RALGAPA1: variants seen among roughly 807,000 people sequenced by gnomAD.
RALGAPA1 encodes the protein Ral GTPase activating protein catalytic subunit alpha 1, also known as ral GTPase-activating protein subunit alpha-1.
In RALGAPA1, 52 loss-of-function variants were observed where a neutral mutation model predicts 269.6. The ratio of observed to expected loss-of-function variants is 0.19; its 90% confidence interval spans 0.15 to 0.24. The LOEUF is 0.24. Among genes scored for constraint, RALGAPA1 ranks in the 10% least tolerant of loss-of-function variants. The pLI is 1.00. For missense variants in RALGAPA1, 1,917 were observed against 3,013.9 expected (o/e 0.64, Z 8.52); for synonymous variants, 817 against 1,008.3 (o/e 0.81, Z 3.60).
chr14:35,712,457 T>C (rs1472910538), intron 16 of RALGAPA1, among the ~76,000 whole-genome samples: 2 of 152,132 alleles, frequency 1.3e-5, no homozygotes, highest in African/African-American at 4.8e-5. Flanking sequence ...ACAGATTCTT[T>C]CCATCTTTGT....
At chr14:35,614,084 G>A (rs2060110569) in intron 35 of RALGAPA1, among the ~76,000 whole-genome samples, 1 of 152,156 alleles carries the variant, frequency 6.6e-6, no homozygotes, top group South Asian at 2.1e-4. Flanking sequence ...AATAACGAGT[G>A]TAGGCTAGGG....
At chr14:35,748,854 G>C in intron 9 of RALGAPA1, 30 bp from the exon 10 acceptor site, 1 of 1,534,738 alleles carries the variant, frequency 6.5e-7, no homozygotes, top group African/African-American at 1.4e-5. Context: ...AAAAAAGAGA[G>C]AAACAATATC....
intron 4 of RALGAPA1, among the ~76,000 whole-genome samples, chr14:35,769,353 G>C (rs2074448968): frequency 6.6e-6 from 1 of 152,042 alleles, no homozygotes; most frequent in South Asian, 2.1e-4. Context: ...CATGGGAACA[G>C]AAAATCAAAT....
chr14:35,615,893 T>C (rs1162785692), intron 35 of RALGAPA1, among the ~76,000 whole-genome samples: 1 of 152,142 alleles, frequency 6.6e-6, no homozygotes, highest in Non-Finnish European at 1.5e-5. Context: ...CTAAGGAGTG[T>C]TCTCATTAAC....
At chr14:35,564,983 A>G (rs2056574957) in intron 39 of RALGAPA1, among the ~76,000 whole-genome samples, 1 of 152,158 alleles carries the variant, frequency 6.6e-6, no homozygotes, top group African/African-American at 2.4e-5. Context: ...ATTAGTAATT[A>G]CATATTATTC....
intron 41 of RALGAPA1, among the ~76,000 whole-genome samples, chr14:35,541,032 A>G (rs2053920220): frequency 8.1e-6 from 1 of 124,202 alleles, no homozygotes; most frequent in African/African-American, 3.6e-5. Context: ...TCTTTGCAGA[A>G]CACTTCAATT....
intron 35 of RALGAPA1, among the ~76,000 whole-genome samples, chr14:35,615,895 C>A (rs1253676928): frequency 6.6e-6 from 1 of 152,058 alleles, no homozygotes; most frequent in Non-Finnish European, 1.5e-5. Context: ...AAGGAGTGTT[C>A]TCATTAACAT....
intron 1 of RALGAPA1, 126 bp from the exon 2 acceptor site, chr14:35,775,871 TACA>T (rs1198228658): frequency 1.0e-6 from 1 of 963,784 alleles, no homozygotes; most frequent in Non-Finnish European, 1.4e-6. Context: ...TTAAAATATT[TACA>T]ATATATATTT....
chr14:35,742,599 CT>C, intron 10 of RALGAPA1, 34 bp from the exon 11 acceptor site: 2 of 1,482,074 alleles, frequency 1.3e-6, no homozygotes, highest in Non-Finnish European at 1.9e-6. Context: ...GATAATGATA[CT>C]TTTTCCTTTG....
rs1555427369 is a variant in RALGAPA1 at position 35,748,848 on chromosome 14, A to AAG, written c.1012-26_1012-25dup. The AAG allele has an allele frequency of 4.9e-4, 762 of 1,543,234 alleles. 2 individuals carry two copies. The highest frequency in any genetic ancestry group is 1.4e-3 in the Middle Eastern group (7 of 4,876). On this transcript the variant is annotated intron_variant, in intron 9 of 41. Coordinates refer to ENST00000680220, the MANE Select transcript of RALGAPA1 (RefSeq NM_001346249.2). ...CTCTAAAATACAAAAAAAAAAAAAA[A>AAG]AGAGAGAAACAATATCATAATCATT...
intron 38 of RALGAPA1, among the ~76,000 whole-genome samples, chr14:35,571,049 C>T (rs2057147379): frequency 6.6e-6 from 1 of 152,158 alleles, no homozygotes; most frequent in Non-Finnish European, 1.5e-5. Flanking sequence ...AAAGCCAACA[C>T]TAGAAGTAAA....
In RALGAPA1 at chr14:35,804,767, C is replaced by CA. The variant is rs1012469702; in HGVS notation, c.106+3962dup. ...TGGGCAACATGAGACCCCATCTCTA[C>CA]AAAAAAAAATTTTTTTTAATTGGCC... On this transcript the variant is annotated intron_variant, in intron 1 of 41. Transcript: ENST00000680220. Among the ~76,000 whole-genome samples the CA allele has an allele frequency of 1.2e-4, 18 of 150,074 alleles. No homozygotes were observed. The South Asian group carries it at 1.9e-3, about 16-fold the overall frequency.
chr14:35,564,308 T>C (rs974610549), intron 39 of RALGAPA1: 5 of 152,316 alleles, frequency 3.3e-5, no homozygotes, highest in African/African-American at 1.2e-4. Flanking sequence ...TAAAATTACA[T>C]AGTTTCTCAA....
In RALGAPA1 at chr14:35,605,673, A is replaced by G. The variant is rs1318980872; in HGVS notation, c.6966T>C (p.Ala2322=). ...TGGAGTGTTTGTCTTCTTGTCCTTC[A>G]GCAACATAAAATACTGCAATCTTGT... is the stretch of plus-strand genomic sequence containing the variant. The part of the protein sequence containing the change: ...ETHKIAVFYV[A]EGQEDKHSIL... The change falls in exon 36 of 42, where the codon GCT becomes GCC. Residue 2322 remains alanine, a synonymous_variant. Coordinates refer to ENST00000680220, the MANE Select transcript of RALGAPA1 (RefSeq NM_001346249.2). The G allele has an allele frequency of 6.2e-7, 1 of 1,611,170 alleles. No homozygotes were observed. Among genetic ancestry groups the G allele is most frequent in the Non-Finnish European group, 8.5e-7 (1 of 1,179,118 alleles).
intron 4 of RALGAPA1, among the ~76,000 whole-genome samples, chr14:35,764,185 G>C (rs1242492025): frequency 6.6e-6 from 1 of 151,640 alleles, no homozygotes; most frequent in Non-Finnish European, 1.5e-5. Context: ...CAAACTCCTG[G>C]GTTCAAGTGA....
chr14:35,732,533 C>T (rs1003598226), intron 12 of RALGAPA1, among the ~76,000 whole-genome samples: 5 of 152,008 alleles, frequency 3.3e-5, no homozygotes, highest in Admixed American at 1.3e-4. Flanking sequence ...CAGAAGGACT[C>T]GCATAAGTAA....
rs781361363 is a variant in RALGAPA1 at position 35,671,400 on chromosome 14, C to G, written c.5191G>C (p.Ala1731Pro). The G allele has an allele frequency of 6.2e-7, 1 of 1,608,028 alleles. No homozygotes were observed. The highest frequency in any genetic ancestry group is 1.3e-5 in the African/African-American group (1 of 74,662). Residue 1731 changes from alanine to proline, a missense_variant, in exon 26 of 42, where the codon GCT becomes CCT. Physicochemically the swap from Ala to Pro is conservative, Grantham distance 27. Coordinates refer to ENST00000680220, the MANE Select transcript of RALGAPA1 (RefSeq NM_001346249.2). ...IVAAGRVASS[A>P]FLNAPRVEAQ... The stretch of plus-strand genomic sequence containing the variant: ...AGGAAATGACTTACATTGAGAAAAG[C>G]TGAAGAAGCCACTCTACCAGCTGCT...
rs1440859702 is a variant in RALGAPA1, at chr14:35,742,093, A to AGG, written c.1449+274_1449+275insCC. Reference sequence around the variant, plus strand: ...ATGTAGTACCACAGTTTGAAATATTATACCTTTATAACAGTACCTAATTTT... The same window carrying AGG: ...ATGTAGTACCACAGTTTGAAATATTAGGTACCTTTATAACAGTACCTAATTTT... On this transcript the variant is annotated intron_variant, in intron 11 of 41. Transcript: ENST00000680220. Among the ~76,000 whole-genome samples the AGG allele has an allele frequency of 3.3e-5, 5 of 152,326 alleles. No individual in the cohort carries two copies. The East Asian group carries it at 9.6e-4, about 29-fold the overall frequency.
At chr14:35,645,456 C>T (rs755662138) in intron 31 of RALGAPA1, among the ~76,000 whole-genome samples, 6 of 151,592 alleles carry the variant, frequency 4.0e-5, no homozygotes, top group Non-Finnish European at 5.9e-5. Context: ...CCAGGCCGGG[C>T]GCAATGGCTC....
Sources: allele counts gnomAD v4.1 joint callset (sites outside exome capture counted in the v4.1 genomes callset), GRCh38; gene constraint gnomAD v4.1.1; transcripts MANE v1.5; gene names NCBI Gene and HGNC (gene_info 2026-07-23, HGNC 2026-07-21).